Variants in PCDH15 observed in about 807,000 individuals in gnomAD.
PCDH15 encodes protocadherin-15.
Under a neutral mutation model 178.5 loss-of-function variants are expected in PCDH15, and 129 were observed. The ratio of observed to expected loss-of-function variants is 0.72; its 90% CI spans 0.63 to 0.84. The LOEUF is 0.84. PCDH15 is among the 40% of genes least tolerant of loss of function. The pLI, the probability that PCDH15 is intolerant of heterozygous loss-of-function variation, is 0.00. For missense variants in PCDH15, 2,230 were observed against 2,099.9 expected (o/e 1.06, Z -1.21); for synonymous variants, 800 against 732.0 (o/e 1.09, Z -1.50).
chr10:53,808,280 CTT>C (rs1198153064), intron 37 of PCDH15: 1 of 380,610 alleles, frequency 2.6e-6, no homozygotes, highest in Non-Finnish European at 3.6e-6. Flanking sequence ...TGAAGCTTGT[CTT>C]AGTATTTATT....
chr10:55,528,483 T>A (rs2132060242), intron 2 of PCDH15, among the ~76,000 whole-genome samples: 1 of 152,160 alleles, frequency 6.6e-6, no homozygotes, highest in East Asian at 1.9e-4. Context: ...GGTGTTTGGT[T>A]TTTTGCCCTT....
chr10:54,399,123 C>A (rs1020261441), intron 3 of PCDH15, among the ~76,000 whole-genome samples: 3 of 151,870 alleles, frequency 2.0e-5, no homozygotes, highest in Admixed American at 1.3e-4. Context: ...TTTTAGAAAC[C>A]ATTTTGAATA....
At chr10:55,069,663 A>C in intron 2 of PCDH15, among the ~76,000 whole-genome samples, 1 of 143,712 alleles carries the variant, frequency 7.0e-6, no homozygotes, top group Non-Finnish European at 1.5e-5. Context: ...ACATTTTCTT[A>C]ATCCAGTCTA....
At chr10:54,037,449 C>T (rs2135481172) in intron 18 of PCDH15, among the ~76,000 whole-genome samples, 1 of 152,034 alleles carries the variant, frequency 6.6e-6, no homozygotes, top group South Asian at 2.1e-4. Context: ...GACCCTCTAT[C>T]TGTATAAAGA....
chr10:54,036,889 GA>G (rs2093429414), intron 18 of PCDH15, among the ~76,000 whole-genome samples: 1 of 151,874 alleles, frequency 6.6e-6, no homozygotes, highest in Non-Finnish European at 1.5e-5. Context: ...TTGATTCATG[GA>G]AGGAGGTAAA....
chr10:54,934,159 T>C (rs1837848481), intron 2 of PCDH15, among the ~76,000 whole-genome samples: 1 of 152,154 alleles, frequency 6.6e-6, no homozygotes. Context: ...TGTTTAATAA[T>C]TTGTGGGAAT....
At chr10:55,272,404 ATTTAT>A (rs921588868) in intron 1 of PCDH15, among the ~76,000 whole-genome samples, 5 of 148,778 alleles carry the variant, frequency 3.4e-5, no homozygotes, top group Non-Finnish European at 7.5e-5. Flanking sequence ...TTATTTTCTT[ATTTAT>A]TTTATTTTAT....
At chr10:54,796,671 TTTA>T (rs1564486834) in intron 1 of PCDH15, among the ~76,000 whole-genome samples, 2 of 151,884 alleles carry the variant, frequency 1.3e-5, no homozygotes, top group African/African-American at 4.8e-5. Flanking sequence ...GTCTCTAACT[TTTA>T]TTATGTTTTT....
chr10:55,546,924 G>C (rs1372699425), intron 2 of PCDH15, among the ~76,000 whole-genome samples: 3 of 152,034 alleles, frequency 2.0e-5, no homozygotes, highest in Non-Finnish European at 4.4e-5. Flanking sequence ...CAGTCCATGA[G>C]GCAGGTCTGA....
intron 2 of PCDH15, among the ~76,000 whole-genome samples, chr10:54,941,182 A>T (rs938844286): frequency 7.2e-5 from 11 of 151,946 alleles, no homozygotes; most frequent in Non-Finnish European, 1.5e-4. Context: ...AAATTTTCTT[A>T]ATGTTCAATC....
chr10:54,966,718 T>C (rs754863811), intron 2 of PCDH15, among the ~76,000 whole-genome samples: 1 of 152,082 alleles, frequency 6.6e-6, no homozygotes, highest in Admixed American at 6.6e-5. Flanking sequence ...GATGTTTTTA[T>C]AAGTGGTTTC....
chr10:55,466,273 T>A (rs1166177127), intron 2 of PCDH15, among the ~76,000 whole-genome samples: 3 of 152,086 alleles, frequency 2.0e-5, no homozygotes, highest in African/African-American at 7.2e-5. Context: ...ATAAAACCTA[T>A]CAATAATCTA....
At chr10:54,138,306 C>T (rs546793299) in intron 14 of PCDH15, among the ~76,000 whole-genome samples, 147 of 151,972 alleles carry the variant, frequency 9.7e-4, no homozygotes, top group African/African-American at 3.4e-3. Flanking sequence ...GGGATTGGCT[C>T]CTCTCAATTT....
intron 2 of PCDH15, among the ~76,000 whole-genome samples, chr10:55,380,177 T>C (rs1040318375): frequency 1.3e-5 from 2 of 151,974 alleles, no homozygotes; most frequent in African/African-American, 4.8e-5. Flanking sequence ...TGTATGGAGG[T>C]AGAAAGAATT....
rs10535301 is a variant in PCDH15 at position 55,098,895 on chromosome 10, T to TGAGAGAGAGAGA, written c.-80+67669_-80+67680dup. On this transcript the variant is annotated intron_variant, in intron 2 of 5. Coordinates refer to the PCDH15 transcript ENST00000458638. Reference sequence around the variant, plus strand: ...ATGTGTTCTTTCATTAAAACTTCAATGAGAGAGAGAGAGAGAGAGAGAGAG... The same window carrying TGAGAGAGAGAGA: ...ATGTGTTCTTTCATTAAAACTTCAATGAGAGAGAGAGAGAGAGAGAGAGAGAGAGAGAGAGAG... Among the ~76,000 whole-genome samples the TGAGAGAGAGAGA allele has an allele frequency of 6.6e-3, 795 of 120,228 alleles. 28 individuals are homozygous for TGAGAGAGAGAGA. Among genetic ancestry groups the TGAGAGAGAGAGA allele is most frequent in the African/African-American group, 0.02 (590 of 29,284 alleles). 78.9% of individuals were successfully genotyped at this position (120,228 alleles called of 152,430 possible).
intron 2 of PCDH15, among the ~76,000 whole-genome samples, chr10:54,939,420 G>A (rs966255090): frequency 4.1e-5 from 6 of 147,820 alleles, no homozygotes; most frequent in African/African-American, 7.6e-5. Context: ...GCATGAACCC[G>A]GGAGGCGGAG....
At chr10:55,542,577 AT>A in intron 2 of PCDH15, among the ~76,000 whole-genome samples, 1 of 150,064 alleles carries the variant, frequency 6.7e-6, no homozygotes, top group Non-Finnish European at 1.5e-5. Flanking sequence ...ATATATACAT[AT>A]GTATGTGTCT....
chr10:55,387,843 TA>T (rs1452889697), intron 2 of PCDH15, among the ~76,000 whole-genome samples: 4 of 152,078 alleles, frequency 2.6e-5, no homozygotes, highest in Non-Finnish European at 4.4e-5. Context: ...CACACCGTGG[TA>T]TTTTTTTTTA....
intron 3 of PCDH15, among the ~76,000 whole-genome samples, chr10:54,490,473 ATAAC>A (rs1394697098): frequency 1.3e-5 from 2 of 151,634 alleles, no homozygotes; most frequent in African/African-American, 4.8e-5. Flanking sequence ...TAAATAATAA[ATAAC>A]TAATAAATAA....
Sources: gnomAD v4.1 joint callset for allele counts (sites outside exome capture counted in the v4.1 genomes callset) on GRCh38, gnomAD v4.1.1 for gene constraint, MANE v1.5 for transcripts, NCBI Gene and HGNC (gene_info 2026-07-23, HGNC 2026-07-21) for gene names.